TRPM3: variants seen among roughly 807,000 people sequenced by gnomAD.
TRPM3 encodes the protein long transient receptor potential channel 3.
Under a neutral mutation model 181.2 loss-of-function variants are expected in TRPM3, and 77 were observed. The ratio of observed to expected loss-of-function variants is 0.42; its 90% CI spans 0.35 to 0.51. The LOEUF is 0.51. Ranked by LOEUF, TRPM3 falls within the 20% of genes least tolerant of loss-of-function variation. The pLI is 0.01. For synonymous variants in TRPM3, 745 were observed against 796.4 expected (o/e 0.94, Z 1.09); for missense variants, 1,759 against 2,196.7 (o/e 0.80, Z 3.98).
intron 1 of TRPM3, among the ~76,000 whole-genome samples, chr9:71,410,888 A>C (rs2093534557): frequency 6.6e-6 from 1 of 152,236 alleles, no homozygotes; most frequent in South Asian, 2.1e-4. Flanking sequence ...ACAGCACATC[A>C]AAAAGTTTAT....
At chr9:70,563,353 G>A (rs1407968499) in intron 22 of TRPM3, among the ~76,000 whole-genome samples, 2 of 152,120 alleles carry the variant, frequency 1.3e-5, no homozygotes, top group Admixed American at 1.3e-4. Context: ...ATTCTAGGGT[G>A]GTTTTTCCTG....
chr9:71,395,809 T>C (rs970942881), intron 1 of TRPM3, among the ~76,000 whole-genome samples: 2 of 152,122 alleles, frequency 1.3e-5, no homozygotes, highest in Non-Finnish European at 2.9e-5. Flanking sequence ...CTTTAATCAG[T>C]GAGGTGAGAA....
At chr9:70,621,508 G>A (rs867411480) in intron 14 of TRPM3, among the ~76,000 whole-genome samples, 12 of 152,156 alleles carry the variant, frequency 7.9e-5, no homozygotes, top group African/African-American at 2.7e-4. Flanking sequence ...GAGAGTACAG[G>A]TGCATGTTAC....
At chr9:71,265,614 T>A (rs2083337017) in intron 1 of TRPM3, among the ~76,000 whole-genome samples, 1 of 152,218 alleles carries the variant, frequency 6.6e-6, no homozygotes, top group Non-Finnish European at 1.5e-5. Flanking sequence ...CAAACATCTG[T>A]TCTCAAGAGT....
At chr9:71,095,340 T>C (rs536724201) in intron 1 of TRPM3, among the ~76,000 whole-genome samples, 60 of 151,856 alleles carry the variant, frequency 4.0e-4, no homozygotes, top group Admixed American at 7.9e-4. Context: ...TTTTCTTCTC[T>C]CATGAAAGAA....
Position 70,529,353 on chromosome 9 carries a change from A to G in TRPM3, c.*6600T>C, listed in dbSNP as rs1249938409. ...CCAATTTTAAAACCATTGTATTTGT[A>G]GGAATTCATTTAAAAATGATATCTG... is the stretch of plus-strand genomic sequence containing the variant. On this transcript the variant is annotated 3_prime_UTR_variant, in exon 26 of 26. Transcript: ENST00000677713. 1 of 152,264 alleles carries G rather than the reference A, an allele frequency of 6.6e-6. No homozygotes were observed. Among genetic ancestry groups the G allele is most frequent in the African/African-American group, 2.4e-5 (1 of 41,470 alleles). The allele number at this position is 152,264 out of a possible 1,614,324, so 9.4% of individuals were successfully genotyped here.
intron 1 of TRPM3, among the ~76,000 whole-genome samples, chr9:71,281,794 G>T (rs1395137275): frequency 6.6e-6 from 1 of 152,270 alleles, no homozygotes; most frequent in African/African-American, 2.4e-5. Flanking sequence ...AGGTGCGGTG[G>T]ATCACACCTG....
chr9:71,358,134 T>A (rs1040894998), intron 1 of TRPM3, among the ~76,000 whole-genome samples: 1 of 152,190 alleles, frequency 6.6e-6, no homozygotes, highest in Non-Finnish European at 1.5e-5. Context: ...TTCAATAAAT[T>A]TGATAAGCTT....
intron 1 of TRPM3, among the ~76,000 whole-genome samples, chr9:71,276,262 A>G (rs2084206844): frequency 6.6e-6 from 1 of 151,730 alleles, no homozygotes; most frequent in East Asian, 1.9e-4. Context: ...CATATGTGAA[A>G]GGCAAAATTT....
chr9:71,159,104 T>G (rs202062967), intron 1 of TRPM3, among the ~76,000 whole-genome samples: 1 of 48,746 alleles, frequency 2.1e-5, no homozygotes, highest in Admixed American at 3.0e-4. Flanking sequence ...ATATATATAT[T>G]TAGAGAGAGA....
chr9:70,639,059 C>T lies in TRPM3; in HGVS notation c.1581+1G>A, dbSNP rs1196216879. The T allele has an allele frequency of 6.2e-7, 1 of 1,613,124 alleles. No individual in the cohort carries two copies. The highest frequency in any genetic ancestry group is 8.5e-7 in the Non-Finnish European group (1 of 1,179,634). The stretch of plus-strand genomic sequence containing the variant: ...TAAAAAGTGCCTTAGTTTGGCCCTA[C>T]CGTATTGTACAATTCCTCTAGTCTG... On this transcript the variant is annotated splice_donor_variant, in intron 11 of 25. Coordinates refer to ENST00000677713, the MANE Select transcript of TRPM3 (RefSeq NM_001366145.2). LOFTEE classifies it high-confidence loss of function.
intron 1 of TRPM3, among the ~76,000 whole-genome samples, chr9:70,935,651 G>A (rs902516197): frequency 1.2e-4 from 18 of 152,100 alleles, no homozygotes; most frequent in African/African-American, 3.4e-4. Context: ...CTGGGTTGCT[G>A]AGCACCTGGA....
chr9:71,108,863 C>A (rs1377053321), intron 1 of TRPM3, among the ~76,000 whole-genome samples: 1 of 152,182 alleles, frequency 6.6e-6, no homozygotes, highest in Non-Finnish European at 1.5e-5. Flanking sequence ...ATGTCAACTT[C>A]TCTGGGCTGT....
chr9:70,893,891 T>C (rs931754400), intron 1 of TRPM3, among the ~76,000 whole-genome samples: 2 of 152,186 alleles, frequency 1.3e-5, no homozygotes, highest in African/African-American at 4.8e-5. Context: ...GCCTCTCAGT[T>C]ATTTTAAAAG....
At position 70,756,133 on chromosome 9, in the gene TRPM3, CAAACA is replaced by C. The variant is rs774517376; in HGVS notation, c.1272+5463_1272+5467del. On this transcript the variant is annotated intron_variant, in intron 8 of 25. Coordinates refer to ENST00000677713, the MANE Select transcript of TRPM3 (RefSeq NM_001366145.2). ...GAATATTTACCAAGCAAATGGAAAG[CAAACA>C]AAACAAAACAAAACAAAAACAAACA... 3.4e-4 allele frequency among the ~76,000 whole-genome samples: 52 copies of C among 151,170 alleles called. 1 individual carries two copies. Among genetic ancestry groups the C allele is most frequent in the Middle Eastern group, 6.8e-3 (2 of 294 alleles).
At chr9:71,249,364 T>C (rs1423294375) in intron 1 of TRPM3, among the ~76,000 whole-genome samples, 1 of 152,234 alleles carries the variant, frequency 6.6e-6, no homozygotes, top group Non-Finnish European at 1.5e-5. Context: ...ATTCTTATCA[T>C]AAATATTTTT....
Position 70,536,518 on chromosome 9 carries a change from GATTTCACA to G in TRPM3, c.4587_4594del (p.Val1530SerfsTer2), listed in dbSNP as rs1217566686. On this transcript the variant is annotated frameshift_variant, in exon 26 of 26. Transcript: ENST00000677713. LOFTEE classifies it high-confidence loss of function. ...TGAGGGGGAAAACATAAAGCTATGA[GATTTCACA>G]ATGGGAGCCTCTTCTAGAAGAAAGG... 1 of 1,614,060 alleles carries G rather than the reference GATTTCACA, an allele frequency of 6.2e-7. No individual in the cohort carries two copies. The highest frequency in any genetic ancestry group is 1.6e-4 in the Middle Eastern group (1 of 6,084).
chr9:71,146,527 G>A (rs555139485), intron 1 of TRPM3, among the ~76,000 whole-genome samples: 1 of 152,252 alleles, frequency 6.6e-6, no homozygotes, highest in South Asian at 2.1e-4. Flanking sequence ...TGGAGACATA[G>A]CAGCCTCCTC....
intron 6 of TRPM3, among the ~76,000 whole-genome samples, chr9:70,808,891 C>G (rs779889477): frequency 2.0e-5 from 3 of 152,152 alleles, no homozygotes; most frequent in Non-Finnish European, 2.9e-5. Context: ...ATAAGATGTT[C>G]TTGATATACA....
Sources: allele counts gnomAD v4.1 joint callset (sites outside exome capture counted in the v4.1 genomes callset), GRCh38; gene constraint gnomAD v4.1.1; transcripts MANE v1.5; gene names NCBI Gene and HGNC (gene_info 2026-07-23, HGNC 2026-07-21).